LRRTM4: variants seen among roughly 807,000 people sequenced by gnomAD.
LRRTM4 encodes leucine-rich repeat transmembrane neuronal protein 4.
LRRTM4 carries 25 observed loss-of-function variants against 47.6 expected under a neutral mutation model. That is an observed-to-expected ratio of 0.53 (90% CI 0.38 to 0.73). The LOEUF (loss-of-function observed/expected upper bound fraction) is 0.73, where lower values mean the gene tolerates loss of function less well. Among genes scored for constraint, LRRTM4 ranks in the 30% least tolerant of loss-of-function variants. The pLI is 0.00. For synonymous variants in LRRTM4, 311 were observed against 269.5 expected, an observed-to-expected ratio of 1.15 and a Z score of -1.51; for missense variants, 638 against 713.4, an observed-to-expected ratio of 0.89 and a Z score of 1.20.
intron 3 of LRRTM4, among the ~76,000 whole-genome samples, chr2:77,504,360 T>G (rs1678687989): frequency 2.6e-5 from 4 of 151,524 alleles, no homozygotes; most frequent in Non-Finnish European, 5.9e-5. Flanking sequence ...TTTGCAGAAA[T>G]AGTTTGCTGC....
intron 3 of LRRTM4, among the ~76,000 whole-genome samples, chr2:77,190,119 A>AT (rs1266182565): frequency 6.6e-6 from 1 of 151,630 alleles, no homozygotes; most frequent in Non-Finnish European, 1.5e-5. Context: ...CCTGCAGGTC[A>AT]TTTTTCTTTT....
chr2:76,855,655 T>TA (rs969316557), intron 3 of LRRTM4, among the ~76,000 whole-genome samples: 4 of 152,156 alleles, frequency 2.6e-5, no homozygotes, highest in African/African-American at 9.7e-5. Flanking sequence ...GCTAAAAATG[T>TA]AAAAATATTT....
intron 3 of LRRTM4, among the ~76,000 whole-genome samples, chr2:77,466,476 C>A (rs1010774285): frequency 6.6e-6 from 1 of 152,242 alleles, no homozygotes; most frequent in East Asian, 1.9e-4. Context: ...TCACTAGAGT[C>A]ACTTAATAAA....
At chr2:77,230,884 C>T (rs573136208) in intron 3 of LRRTM4, among the ~76,000 whole-genome samples, 24 of 152,016 alleles carry the variant, frequency 1.6e-4, no homozygotes, top group Admixed American at 5.2e-4. Context: ...TAAAAATAGA[C>T]AAATTAATTT....
intron 3 of LRRTM4, among the ~76,000 whole-genome samples, chr2:76,858,363 A>G (rs967730407): frequency 6.6e-6 from 1 of 152,202 alleles, no homozygotes; most frequent in Non-Finnish European, 1.5e-5. Flanking sequence ...TCCGACCTGA[A>G]GTCAAACAGA....
intron 3 of LRRTM4, among the ~76,000 whole-genome samples, chr2:76,918,857 C>T (rs760522406): frequency 2.6e-5 from 4 of 152,078 alleles, no homozygotes; most frequent in Non-Finnish European, 2.9e-5. Flanking sequence ...ATGTCATCCA[C>T]GATGTATTCC....
chr2:77,124,628 A>G (rs945816535), intron 3 of LRRTM4, among the ~76,000 whole-genome samples: 3 of 152,134 alleles, frequency 2.0e-5, no homozygotes, highest in Non-Finnish European at 4.4e-5. Flanking sequence ...TCAACCTTTG[A>G]TTAAATTGGC....
At chr2:76,789,644 G>A (rs566402278) in intron 3 of LRRTM4, among the ~76,000 whole-genome samples, 4 of 152,114 alleles carry the variant, frequency 2.6e-5, no homozygotes, top group Admixed American at 1.3e-4. Context: ...CATGGTTCCC[G>A]CTCCCCATTT....
intron 3 of LRRTM4, among the ~76,000 whole-genome samples, chr2:76,763,830 T>A (rs1331493079): frequency 6.6e-6 from 1 of 152,118 alleles, no homozygotes; most frequent in African/African-American, 2.4e-5. Flanking sequence ...GGTTAGAGGG[T>A]ATTCTGTACA....
intron 3 of LRRTM4, among the ~76,000 whole-genome samples, chr2:76,939,981 A>C (rs2103858040): frequency 6.6e-6 from 1 of 152,238 alleles, no homozygotes; most frequent in Admixed American, 6.5e-5. Flanking sequence ...TCTTTTATTC[A>C]AAAAATAACA....
At chr2:76,820,278 C>T (rs1671016098) in intron 3 of LRRTM4, among the ~76,000 whole-genome samples, 1 of 151,836 alleles carries the variant, frequency 6.6e-6, no homozygotes, top group Non-Finnish European at 1.5e-5. Context: ...TTCCTCAGGT[C>T]TCCACCTTGG....
intron 3 of LRRTM4, among the ~76,000 whole-genome samples, chr2:77,138,836 T>G (rs1267719960): frequency 6.6e-6 from 1 of 152,180 alleles, no homozygotes; most frequent in African/African-American, 2.4e-5. Context: ...CAAAGAATAC[T>G]ATACACACCT....
At chr2:77,172,823 T>A (rs1673087324) in intron 3 of LRRTM4, among the ~76,000 whole-genome samples, 1 of 148,564 alleles carries the variant, frequency 6.7e-6, no homozygotes, top group African/African-American at 2.6e-5. Context: ...TCACTGAGAA[T>A]AAGTGGGGTT....
intron 3 of LRRTM4, among the ~76,000 whole-genome samples, chr2:77,174,823 T>G (rs1449099724): frequency 2.6e-5 from 4 of 151,110 alleles, no homozygotes; most frequent in African/African-American, 9.7e-5. Context: ...CAGGCCCTGG[T>G]GTGTGATGTT....
chr2:76,880,940 G>A (rs1672911351), intron 3 of LRRTM4, among the ~76,000 whole-genome samples: 2 of 152,140 alleles, frequency 1.3e-5, no homozygotes. Context: ...AAGAGTCTGG[G>A]AAGGGTACAG....
At position 76,931,117 on chromosome 2, in the gene LRRTM4, GAGAA is replaced by G. The variant is rs200357186; in HGVS notation, c.1552-182205_1552-182202del. ...CATGGGATTATGGAACAAAAGCAAT[GAGAA>G]AGAAAGAAAGAAAAAAATAACTGAA... is the stretch of plus-strand genomic sequence containing the variant. On this transcript the variant is annotated intron_variant, in intron 3 of 3. Coordinates refer to ENST00000409884, the MANE Select transcript of LRRTM4 (RefSeq NM_001134745.3). Among the ~76,000 whole-genome samples the G allele has an allele frequency of 4.3e-3, 648 of 151,898 alleles. 2 individuals carry two copies. Among genetic ancestry groups the G allele is most frequent in the African/African-American group, 0.015 (621 of 41,452 alleles).
chr2:77,205,263 G>C (rs1268610300), intron 3 of LRRTM4, among the ~76,000 whole-genome samples: 1 of 152,090 alleles, frequency 6.6e-6, no homozygotes, highest in African/African-American at 2.4e-5. Flanking sequence ...ATAGTCAAGG[G>C]AGAAAGAAAG....
At chr2:77,285,340 T>TTTTATATATATATATATA (rs1553422162) in intron 3 of LRRTM4, among the ~76,000 whole-genome samples, 1 of 82,590 alleles carries the variant, frequency 1.2e-5, no homozygotes, top group East Asian at 5.1e-4. Flanking sequence ...AGCATTAAAT[T>TTTTATATATATATATATA]TATATATATA....
chr2:76,895,645 C>G (rs529372664), intron 3 of LRRTM4, among the ~76,000 whole-genome samples: 2 of 152,130 alleles, frequency 1.3e-5, no homozygotes, highest in South Asian at 4.1e-4. Flanking sequence ...ATCCAGCAAA[C>G]TCTTCAGGTT....
Sources: allele counts gnomAD v4.1 joint callset (sites outside exome capture counted in the v4.1 genomes callset), GRCh38; gene constraint gnomAD v4.1.1; transcripts MANE v1.5; gene names NCBI Gene and HGNC (gene_info 2026-07-23, HGNC 2026-07-21).